Variants in RDH13 observed in about 807,000 individuals in gnomAD.
RDH13 encodes the protein retinol dehydrogenase 13.
RDH13 carries 35 observed loss-of-function variants against 28.3 expected under a neutral mutation model. That is an observed-to-expected ratio of 1.24 (90% confidence interval 0.95 to 1.64). The LOEUF is 1.64. RDH13 is among the 40% of genes most tolerant of loss of function. The pLI, the probability that RDH13 is intolerant of heterozygous loss-of-function variation, is 0.00. For synonymous variants in RDH13, 229 were observed against 198.5 expected (o/e 1.15, Z -1.29); for missense variants, 514 against 446.3 (o/e 1.15, Z -1.37).
At chr19:55,057,677 AT>A (rs2075682268) in intron 2 of RDH13, among the ~76,000 whole-genome samples, 1 of 151,938 alleles carries the variant, frequency 6.6e-6, no homozygotes, top group Admixed American at 6.6e-5. Flanking sequence ...ACCTCAGGTG[AT>A]CCACCCCGCG....
downstream of RDH13, chr19:55,042,895 T>C (rs1248651514): frequency 6.6e-6 from 1 of 152,300 alleles, no homozygotes; most frequent in Non-Finnish European, 1.5e-5. Context: ...ACAAGAGGGC[T>C]GACGAGGGAC....
chr19:55,056,562 C>A, intron 3 of RDH13, 91 bp downstream of exon 3: 3 of 1,490,896 alleles, frequency 2.0e-6, no homozygotes, highest in Non-Finnish European at 2.7e-6. Flanking sequence ...AAACTCTGCT[C>A]TAAAGTTTGC....
At chr19:55,051,564 G>T (rs1430121686) in intron 3 of RDH13, among the ~76,000 whole-genome samples, 1 of 147,978 alleles carries the variant, frequency 6.8e-6, no homozygotes, top group East Asian at 2.0e-4. Context: ...CCGAGTACTG[G>T]GATTACAGGT....
intron 3 of RDH13, among the ~76,000 whole-genome samples, chr19:55,052,763 G>A (rs187566547): frequency 1.5e-4 from 23 of 151,364 alleles, no homozygotes; most frequent in African/African-American, 4.6e-4. Context: ...CCGGGTTCAC[G>A]CCATTCTCCT....
rs1437762787 is a variant in RDH13, at chr19:55,045,223, C to T, written c.847G>A (p.Val283Ile). ...AGTCCATCGAAGTACTTTCCGGAAA[C>T]ATCCGCCAGTTCCTCCGCCACGGCC... ...YLAVAEELADVSGKYFDGLKQ... is the reference protein window; with the variant it reads ...YLAVAEELADISGKYFDGLKQ... Residue 283 changes from valine (V) to isoleucine (I), a missense_variant, in exon 7 of 7, where the codon GTT becomes ATT. Physicochemically the swap from Val to Ile is conservative, Grantham distance 29 (BLOSUM62 3). Coordinates refer to ENST00000415061, the MANE Select transcript of RDH13 (RefSeq NM_001145971.2). The T allele has an allele frequency of 2.5e-6, 4 of 1,613,372 alleles. No homozygotes were observed. Among genetic ancestry groups the T allele is most frequent in the Non-Finnish European group, 3.4e-6 (4 of 1,180,048 alleles).
intron 3 of RDH13, among the ~76,000 whole-genome samples, chr19:55,054,689 C>G (rs1180026912): frequency 6.6e-6 from 1 of 152,046 alleles, no homozygotes; most frequent in Non-Finnish European, 1.5e-5. Flanking sequence ...TTGCCTCAGC[C>G]TCCTGAGTAG....
rs10666 is a variant in RDH13 at position 55,044,891 on chromosome 19, A to G, written c.*183T>C. 66,724 of 560,088 alleles carry G rather than the reference A, an allele frequency of 0.12. 4,435 individuals carry two copies. The highest frequency in any genetic ancestry group is 0.14 in the Non-Finnish European group (42,821 of 316,828). 34.7% of individuals were successfully genotyped at this position (560,088 alleles called of 1,614,324 possible). On this transcript the variant is annotated 3_prime_UTR_variant, in exon 7 of 7. Transcript: ENST00000415061. ...GAGCAGACGGAACCAGCCAGAGCCCAGGGCAGTGCTCACCTGCAGGCCAGT... is the reference window on the plus strand; with the variant it reads ...GAGCAGACGGAACCAGCCAGAGCCCGGGGCAGTGCTCACCTGCAGGCCAGT...
rs1012642467 is a variant in RDH13 at position 55,047,128 on chromosome 19, C to T, written c.760+259G>A. 1.2e-5 allele frequency: 16 copies of T among 1,388,240 alleles called. No individual in the cohort carries two copies. The African/African-American group carries it at 1.5e-4, about 13-fold the overall frequency. 86.0% of individuals were successfully genotyped at this position (1,388,240 alleles called of 1,614,324 possible). On this transcript the variant is annotated intron_variant, in intron 6 of 6. Transcript: ENST00000415061. ...ACCCTGAGTACAGCCTGACTCCAGGCGTCAGCTCCACGGCCTCTTCCTCTG... is the reference window on the plus strand; with the variant it reads ...ACCCTGAGTACAGCCTGACTCCAGGTGTCAGCTCCACGGCCTCTTCCTCTG...
intron 3 of RDH13, among the ~76,000 whole-genome samples, chr19:55,051,745 T>G (rs1224434331): frequency 6.6e-6 from 1 of 150,702 alleles, no homozygotes; most frequent in Non-Finnish European, 1.5e-5. Flanking sequence ...TTTTTTTTCT[T>G]TTTATGAGAG....
intron 1 of RDH13, among the ~76,000 whole-genome samples, 158 bp downstream of exon 1, chr19:55,062,810 C>T (rs2075846537): frequency 6.6e-6 from 1 of 152,378 alleles, no homozygotes; most frequent in Non-Finnish European, 1.5e-5. Flanking sequence ...GTGACCTGGC[C>T]GGCCAGAGCG....
In RDH13 at chr19:55,063,043, G is replaced by GTACAGGC. The variant is rs751521702; in HGVS notation, c.-12_-11insGCCTGTA. ...CAGGTAGCGGCTCATGCCGGGCCGG[G>GTACAGGC]GACAGGCGTCAGGCGTCAGGGGTCG... On this transcript the variant is annotated 5_prime_UTR_variant, in exon 1 of 7. Coordinates refer to ENST00000415061, the MANE Select transcript of RDH13 (RefSeq NM_001145971.2). 2.1e-4 allele frequency: 251 copies of GTACAGGC among 1,197,336 alleles called. No individual in the cohort carries two copies. The highest frequency in any genetic ancestry group is 2.4e-4 in the Non-Finnish European group (225 of 941,594). The allele number at this position is 1,197,336 out of a possible 1,614,324, so 74.2% of individuals were successfully genotyped here.
At chr19:55,064,874 A>G (rs142976630), upstream of RDH13, among the ~76,000 whole-genome samples, 2,214 of 149,340 alleles carry the variant, frequency 0.015, 100 homozygotes, top group African/African-American at 0.051. Context: ...CGGCCACCCA[A>G]AGTGCTGGGA....
At chr19:55,058,676 T>C (rs185241843) in intron 2 of RDH13, among the ~76,000 whole-genome samples, 11,217 of 151,732 alleles carry the variant, frequency 0.074, 523 homozygotes, top group Non-Finnish European at 0.1. Context: ...TGCCCTTTTT[T>C]TTGTTTTGCT....
downstream of RDH13, chr19:55,040,492 GAACT>G (rs1338424688): frequency 6.6e-6 from 1 of 152,174 alleles, no homozygotes; most frequent in Non-Finnish European, 1.5e-5. Context: ...GTTAAAATGA[GAACT>G]ATCAGGGTGT....
rs777441205 is a variant in RDH13, at chr19:55,045,328, G to A, written c.761-19C>T. 3 of 1,591,290 alleles carry A rather than the reference G, an allele frequency of 1.9e-6. No homozygotes were observed. The Admixed American group carries it at 5.1e-5, about 27-fold the overall frequency. ...ATGGGCCCTGCAATCAGCCCACAGG[G>A]CATTTAGTCCACACTCGCTCAGAGA... is the stretch of plus-strand genomic sequence containing the variant. On this transcript the variant is annotated intron_variant, in intron 6 of 6. Coordinates refer to ENST00000415061, the MANE Select transcript of RDH13 (RefSeq NM_001145971.2).
chr19:55,053,953 T>C (rs958939732), intron 3 of RDH13: 1 of 151,926 alleles, frequency 6.6e-6, no homozygotes. Flanking sequence ...CTCTGAGGCA[T>C]TGCCCTCTCA....
At chr19:55,047,563 C>T (rs2075280951) in intron 5 of RDH13, 75 bp from the exon 6 acceptor site, 2 of 1,512,110 alleles carry the variant, frequency 1.3e-6, no homozygotes, top group Admixed American at 4.3e-5. Flanking sequence ...CCACACCCAG[C>T]TGTGGGGCTT....
downstream of RDH13, chr19:55,041,587 T>G (rs947384472): frequency 6.6e-6 from 1 of 152,220 alleles, no homozygotes; most frequent in African/African-American, 2.4e-5. Flanking sequence ...CAAGCCAGGG[T>G]TGCCATGGCA....
intron 2 of RDH13, among the ~76,000 whole-genome samples, chr19:55,058,104 A>G (rs2075695786): frequency 6.6e-6 from 1 of 151,852 alleles, no homozygotes; most frequent in African/African-American, 2.4e-5. Flanking sequence ...TGTCCAGTTC[A>G]TTGGTATTAA....
Sources: allele counts gnomAD v4.1 joint callset (sites outside exome capture counted in the v4.1 genomes callset), GRCh38; gene constraint gnomAD v4.1.1; transcripts MANE v1.5; gene names NCBI Gene and HGNC (gene_info 2026-07-23, HGNC 2026-07-21).